The following TMEM178B variants were observed in gnomAD, a reference collection of about 807,000 sequenced individuals.
TMEM178B encodes transmembrane protein 178B.
Under a neutral mutation model 31.0 loss-of-function variants are expected in TMEM178B, and 5 were observed. The observed-to-expected ratio is 0.16, with a 90% CI of 0.08 to 0.34. The LOEUF (loss-of-function observed/expected upper bound fraction) is 0.34. Among genes scored for constraint, TMEM178B ranks in the 10% least tolerant of loss-of-function variants. The probability of loss-of-function intolerance (pLI) is 1.00; values close to 1 mark genes in which losing one functional copy is unlikely to be tolerated. For missense variants in TMEM178B, 275 were observed against 400.3 expected, an observed-to-expected ratio of 0.69 and a Z score of 2.67; for synonymous variants, 164 against 164.0, an observed-to-expected ratio of 1.00 and a Z score of 0.00.
At chr7:141,257,123 A>G (rs1222236887) in intron 2 of TMEM178B, among the ~76,000 whole-genome samples, 1 of 152,234 alleles carries the variant, frequency 6.6e-6, no homozygotes, top group Non-Finnish European at 1.5e-5. Context: ...AGGAATGTCC[A>G]GTGATGTGGA....
intron 1 of TMEM178B, among the ~76,000 whole-genome samples, chr7:141,085,236 A>G (rs1028723628): frequency 1.4e-5 from 2 of 139,552 alleles, no homozygotes; most frequent in African/African-American, 5.4e-5. Flanking sequence ...ATCTCAGGTG[A>G]TCCACCAGCC....
intron 2 of TMEM178B, among the ~76,000 whole-genome samples, chr7:141,250,031 A>G (rs1012236378): frequency 6.6e-6 from 1 of 152,216 alleles, no homozygotes; most frequent in Admixed American, 6.5e-5. Context: ...AAAATGAAAT[A>G]TTTTTGGGGC....
At chr7:141,170,460 C>T (rs1216698670) in intron 1 of TMEM178B, among the ~76,000 whole-genome samples, 1 of 152,096 alleles carries the variant, frequency 6.6e-6, no homozygotes, top group African/African-American at 2.4e-5. Context: ...GGGTAAGTGA[C>T]TTAATCTGAG....
At chr7:141,309,783 A>G (rs527568198) in intron 2 of TMEM178B, among the ~76,000 whole-genome samples, 36 of 152,340 alleles carry the variant, frequency 2.4e-4, no homozygotes, top group South Asian at 6.2e-4. Flanking sequence ...TCTTGTCTGC[A>G]TCATGCCTTT....
chr7:141,286,741 A>G (rs1250201732), intron 2 of TMEM178B, among the ~76,000 whole-genome samples: 1 of 152,220 alleles, frequency 6.6e-6, no homozygotes, highest in African/African-American at 2.4e-5. Flanking sequence ...AAGAATGTGG[A>G]GAGTCCTCCA....
intron 1 of TMEM178B, among the ~76,000 whole-genome samples, chr7:141,139,077 T>TC (rs1283320343): frequency 6.6e-6 from 1 of 152,230 alleles, no homozygotes; most frequent in Admixed American, 6.5e-5. Context: ...GAGGGTTTTT[T>TC]CTCAGAGATA....
intron 2 of TMEM178B, among the ~76,000 whole-genome samples, chr7:141,314,305 G>A (rs1022368853): frequency 1.3e-5 from 2 of 152,186 alleles, no homozygotes; most frequent in Non-Finnish European, 1.5e-5. Context: ...TTTTTCTCCT[G>A]CAAGATTTTG....
intron 2 of TMEM178B, among the ~76,000 whole-genome samples, chr7:141,403,405 T>C (rs1181721): frequency 0.98 from 149,786 of 152,306 alleles, 73,666 homozygotes; most frequent in East Asian, 1. Flanking sequence ...TTTCCAGTGC[T>C]GGGCATAGTG....
chr7:141,464,966 A>G (rs1350147059), intron 3 of TMEM178B, among the ~76,000 whole-genome samples: 1 of 152,222 alleles, frequency 6.6e-6, no homozygotes, highest in Non-Finnish European at 1.5e-5. Flanking sequence ...TACAGTTAGT[A>G]TTGGAGTCTG....
intron 2 of TMEM178B, among the ~76,000 whole-genome samples, chr7:141,334,402 C>T (rs1192680169): frequency 2.0e-5 from 3 of 152,178 alleles, no homozygotes; most frequent in Admixed American, 6.5e-5. Context: ...TCTGGTACTA[C>T]GTTTGTCTCA....
chr7:141,199,787 C>A (rs1362699318), intron 1 of TMEM178B, among the ~76,000 whole-genome samples: 4 of 152,142 alleles, frequency 2.6e-5, no homozygotes, highest in African/African-American at 9.7e-5. Flanking sequence ...CGCAGTGGCT[C>A]ACGCCTGTAA....
chr7:141,449,096 C>A (rs2116699356), intron 3 of TMEM178B, among the ~76,000 whole-genome samples: 1 of 152,272 alleles, frequency 6.6e-6, no homozygotes, highest in African/African-American at 2.4e-5. Context: ...TAGGTCATTT[C>A]TAAAGTAATT....
rs116723475 is a variant in TMEM178B at position 141,438,003 on chromosome 7, C to T, written c.634+258C>T. 1.8e-3 allele frequency among the ~76,000 whole-genome samples: 278 copies of T among 152,310 alleles called. 4 individuals are homozygous for T. Among genetic ancestry groups the T allele is most frequent in the African/African-American group, 6.3e-3 (261 of 41,556 alleles). On this transcript the variant is annotated intron_variant, in intron 3 of 3. Transcript: ENST00000565468. ...TGACTGCCTGTGTGGAAGAAAGACA[C>T]TTACGGAGATGATCATGAGACGGGT...
chr7:141,244,048 CTTATTCAGT>C (rs1378352437), intron 2 of TMEM178B, among the ~76,000 whole-genome samples: 1 of 152,182 alleles, frequency 6.6e-6, no homozygotes, highest in Non-Finnish European at 1.5e-5. Flanking sequence ...GCAGTTCAGT[CTTATTCAGT>C]TTACCAAATG....
the TMEM178B span, among the ~76,000 whole-genome samples, chr7:141,510,954 T>C: frequency 1.3e-5 from 2 of 149,900 alleles, no homozygotes; most frequent in Middle Eastern, 3.4e-3. Flanking sequence ...GAAACAAGAT[T>C]GGACCATTAC....
intron 2 of TMEM178B, among the ~76,000 whole-genome samples, chr7:141,236,672 T>G (rs1160462262): frequency 6.6e-6 from 1 of 152,156 alleles, no homozygotes; most frequent in African/African-American, 2.4e-5. Flanking sequence ...AGAAGCCGAT[T>G]AGAAATGCCT....
chr7:141,197,346 A>G (rs545733910), intron 1 of TMEM178B, among the ~76,000 whole-genome samples: 1 of 152,306 alleles, frequency 6.6e-6, no homozygotes, highest in South Asian at 2.1e-4. Flanking sequence ...ACCCATGGCA[A>G]ATTGGTTCCA....
intron 1 of TMEM178B, among the ~76,000 whole-genome samples, chr7:141,193,763 C>A (rs1384856921): frequency 6.6e-6 from 1 of 152,216 alleles, no homozygotes; most frequent in Non-Finnish European, 1.5e-5. Context: ...CAGCCCCAGC[C>A]CAGGTCCTTC....
intron 2 of TMEM178B, among the ~76,000 whole-genome samples, chr7:141,282,761 G>A (rs1185450469): frequency 2.0e-5 from 3 of 152,212 alleles, no homozygotes; most frequent in African/African-American, 7.2e-5. Context: ...TCAAGGCACA[G>A]CCTATTCAGC....
Sources: gnomAD v4.1 joint callset for allele counts (sites outside exome capture counted in the v4.1 genomes callset) on GRCh38, gnomAD v4.1.1 for gene constraint, MANE v1.5 for transcripts, NCBI Gene and HGNC (gene_info 2026-07-23, HGNC 2026-07-21) for gene names.